The following PRKAR2B variants were observed in gnomAD, a reference collection of about 807,000 sequenced individuals.
The protein encoded by PRKAR2B is cAMP-dependent protein kinase type II-beta regulatory subunit.
In PRKAR2B, 14 loss-of-function variants were observed where a neutral mutation model predicts 49.9. The ratio of observed to expected loss-of-function variants is 0.28; its 90% CI spans 0.19 to 0.44. PRKAR2B has a LOEUF of 0.44. Among genes scored for constraint, PRKAR2B ranks in the 20% least tolerant of loss-of-function variants. The pLI is 1.00. For synonymous variants in PRKAR2B, 196 were observed against 197.7 expected (o/e 0.99, Z 0.07); for missense variants, 393 against 537.9 (o/e 0.73, Z 2.67).
intron 4 of PRKAR2B, among the ~76,000 whole-genome samples, chr7:107,135,006 A>G (rs1795669803): frequency 6.6e-6 from 1 of 152,184 alleles, no homozygotes; most frequent in African/African-American, 2.4e-5. Flanking sequence ...ACATTTTTGT[A>G]CATCAAAGGA....
chr7:107,071,928 G>T (rs1266378514), intron 2 of PRKAR2B, among the ~76,000 whole-genome samples: 1 of 151,834 alleles, frequency 6.6e-6, no homozygotes, highest in Non-Finnish European at 1.5e-5. Flanking sequence ...AATGAGCCGG[G>T]CGTGGTGGCG....
intron 4 of PRKAR2B, among the ~76,000 whole-genome samples, chr7:107,139,040 A>T (rs1168674140): frequency 6.6e-6 from 1 of 151,800 alleles, no homozygotes; most frequent in Non-Finnish European, 1.5e-5. Flanking sequence ...CAAGCCACCC[A>T]TTTTTCTCTG....
intron 4 of PRKAR2B, among the ~76,000 whole-genome samples, chr7:107,134,071 C>T (rs1486061300): frequency 6.6e-6 from 1 of 151,940 alleles, no homozygotes; most frequent in African/African-American, 2.4e-5. Flanking sequence ...CTCTGTTGCC[C>T]AGGTTGGAGT....
Position 107,066,655 on chromosome 7 carries a change from G to C in PRKAR2B, c.308-3626G>C, listed in dbSNP as rs190084202. ...AGGATCTCCACTCACTGCAACCTCT[G>C]ACTTCTGGGTTCAAGCAATTCTCTT... On this transcript the variant is annotated intron_variant, in intron 1 of 10. Coordinates refer to ENST00000265717, the MANE Select transcript of PRKAR2B (RefSeq NM_002736.3). The C allele has an allele frequency of 2.0e-5, 3 of 152,198 alleles. No individual in the cohort carries two copies. In the East Asian group the frequency reaches 5.8e-4, roughly 29 times the overall value. 9.4% of individuals were successfully genotyped at this position (152,198 alleles called of 1,614,324 possible).
intron 2 of PRKAR2B, among the ~76,000 whole-genome samples, chr7:107,103,192 AATT>A (rs1170563987): frequency 5.9e-5 from 9 of 152,226 alleles, no homozygotes; most frequent in African/African-American, 1.9e-4. Context: ...CAACTTCTGT[AATT>A]ATCAGAATCA....
At chr7:107,143,051 G>A (rs574360244) in intron 5 of PRKAR2B, among the ~76,000 whole-genome samples, 2 of 152,256 alleles carry the variant, frequency 1.3e-5, no homozygotes, top group African/African-American at 4.8e-5. Context: ...GTGTAAGTCA[G>A]TGTGCCTGGC....
In PRKAR2B at chr7:107,121,366, C is replaced by A. The variant is rs998885765; in HGVS notation, c.344-586C>A. Among the ~76,000 whole-genome samples the A allele has an allele frequency of 8.5e-5, 13 of 152,202 alleles. 1 individual carries two copies. The highest frequency in any genetic ancestry group is 3.9e-4 in the Admixed American group (6 of 15,282). ...TTTACGGCATATAATAATCTGCAATCCTTAAATGATAATCTTTACACAGTG... is the reference window on the plus strand; with the variant it reads ...TTTACGGCATATAATAATCTGCAATACTTAAATGATAATCTTTACACAGTG... On this transcript the variant is annotated intron_variant, in intron 2 of 10. Coordinates refer to ENST00000265717, the MANE Select transcript of PRKAR2B (RefSeq NM_002736.3).
intron 2 of PRKAR2B, chr7:107,081,811 AG>A (rs1169502518): frequency 2.7e-4 from 41 of 152,344 alleles, no homozygotes; most frequent in Admixed American, 1.4e-3. Context: ...AAGACGGAAC[AG>A]CTTAAATGAT....
intron 5 of PRKAR2B, among the ~76,000 whole-genome samples, chr7:107,143,290 G>A (rs1048783700): frequency 6.6e-6 from 1 of 152,238 alleles, no homozygotes. Context: ...AGCATTTTGA[G>A]CATCAACATG....
At position 107,159,692 on chromosome 7, in the gene PRKAR2B, T is replaced by C; in HGVS notation, c.*110T>C. 1 of 1,253,082 alleles carries C rather than the reference T, an allele frequency of 8.0e-7. No homozygotes were observed. Among genetic ancestry groups the C allele is most frequent in the East Asian group, 2.4e-5 (1 of 41,940 alleles). The allele number at this position is 1,253,082 out of a possible 1,614,324, so 77.6% of individuals were successfully genotyped here. On this transcript the variant is annotated 3_prime_UTR_variant, in exon 11 of 11. Coordinates refer to ENST00000265717, the MANE Select transcript of PRKAR2B (RefSeq NM_002736.3). ...GCATTTTCTGTGATTTCAGGTTTTT[T>C]CCTTTTTTTACATTTACAACGTATC... is the stretch of plus-strand genomic sequence containing the variant.
At chr7:107,105,808 A>C (rs1436996493) in intron 2 of PRKAR2B, among the ~76,000 whole-genome samples, 1 of 152,140 alleles carries the variant, frequency 6.6e-6, no homozygotes, top group Non-Finnish European at 1.5e-5. Flanking sequence ...GGCATTCCAG[A>C]CACTGATCTT....
At chr7:107,120,191 A>T (rs746007521) in intron 2 of PRKAR2B, among the ~76,000 whole-genome samples, 1 of 152,194 alleles carries the variant, frequency 6.6e-6, no homozygotes, top group Middle Eastern at 3.4e-3. Flanking sequence ...GGGCCAGGTA[A>T]TTCTTTCTGT....
intron 1 of PRKAR2B, among the ~76,000 whole-genome samples, chr7:107,060,830 C>A (rs547780059): frequency 6.6e-6 from 1 of 152,158 alleles, no homozygotes; most frequent in Non-Finnish European, 1.5e-5. Context: ...TTAAGGATTT[C>A]ATCACTAACC....
chr7:107,130,370 C>T (rs1330266792), intron 4 of PRKAR2B, among the ~76,000 whole-genome samples: 4 of 151,842 alleles, frequency 2.6e-5, no homozygotes, highest in South Asian at 2.1e-4. Flanking sequence ...GGCGTGGTGG[C>T]GGGCGCCTGT....
At chr7:107,142,643 G>A (rs148861627) in intron 5 of PRKAR2B, among the ~76,000 whole-genome samples, 6 of 152,240 alleles carry the variant, frequency 3.9e-5, no homozygotes, top group East Asian at 1.9e-4. Flanking sequence ...AATGACTGGC[G>A]TAGAGCCAAC....
chr7:107,156,187 A>G (rs1390504451), intron 8 of PRKAR2B, among the ~76,000 whole-genome samples: 5 of 152,170 alleles, frequency 3.3e-5, no homozygotes, highest in Non-Finnish European at 7.4e-5. Flanking sequence ...GTTGATAGGT[A>G]TAGCAAACCT....
At chr7:107,117,780 A>G (rs1795303824) in intron 2 of PRKAR2B, among the ~76,000 whole-genome samples, 1 of 152,206 alleles carries the variant, frequency 6.6e-6, no homozygotes, top group Non-Finnish European at 1.5e-5. Context: ...AAGTCCCACA[A>G]TATGCGAAGT....
intron 10 of PRKAR2B, 87 bp from the exon 11 acceptor site, chr7:107,159,362 A>C: frequency 8.0e-7 from 1 of 1,247,644 alleles, no homozygotes; most frequent in Non-Finnish European, 1.1e-6. Flanking sequence ...CACTATTGAT[A>C]TATATGGAGT....
chr7:107,149,785 G>T (rs113481055), intron 6 of PRKAR2B, among the ~76,000 whole-genome samples: 1,977 of 152,212 alleles, frequency 0.013, 41 homozygotes, highest in African/African-American at 0.044. Flanking sequence ...GAATGAATAA[G>T]ACCTAGTATT....
Sources: allele counts gnomAD v4.1 joint callset (sites outside exome capture counted in the v4.1 genomes callset), GRCh38; gene constraint gnomAD v4.1.1; transcripts MANE v1.5; gene names NCBI Gene and HGNC (gene_info 2026-07-23, HGNC 2026-07-21).